Variants in CD226 observed in about 807,000 individuals in gnomAD.
The protein encoded by CD226 is CD226 molecule, also known as CD226 antigen.
CD226 carries 24 observed loss-of-function variants against 34.9 expected under a neutral mutation model. The ratio of observed to expected loss-of-function variants is 0.69; its 90% CI spans 0.50 to 0.97. The LOEUF is 0.97. CD226 is among the 50% of genes least tolerant of loss of function. The pLI is 0.00. For missense variants in CD226, 397 were observed against 412.7 expected, an observed-to-expected ratio of 0.96 and a Z score of 0.33; for synonymous variants, 148 against 147.4, an observed-to-expected ratio of 1.00 and a Z score of -0.03.
chr18:69,895,720 C>T lies in CD226; in HGVS notation c.708G>A (p.Met236Ile), dbSNP rs1006717744. The T allele has an allele frequency of 1.9e-6, 3 of 1,613,474 alleles. No homozygotes were observed. Among genetic ancestry groups the T allele is most frequent in the Non-Finnish European group, 2.5e-6 (3 of 1,179,422 alleles). The stretch of plus-strand genomic sequence containing the variant: ...ACTCACCCTCGGCTACAGTCAATCT[C>T]ATCACGAAGGTTTCGTTTTCTCCTG... The part of the protein sequence containing the change: ...ASAGENETFV[M>I]RLTVAEGKTD... Residue 236 changes from methionine to isoleucine, a missense_variant, in exon 3 of 6, where the codon ATG (methionine) becomes ATA (isoleucine). Physicochemically the swap from Met to Ile is conservative, Grantham distance 10. Transcript: ENST00000582621.
At chr18:69,923,414 T>C (rs1190772760) in intron 2 of CD226, among the ~76,000 whole-genome samples, 5 of 152,128 alleles carry the variant, frequency 3.3e-5, no homozygotes, top group Non-Finnish European at 5.9e-5. Context: ...CAAAACCAAC[T>C]GCGAAAACGT....
At position 69,863,702 on chromosome 18, in the gene CD226, A is replaced by G. The variant is rs1982952592; in HGVS notation, c.*612T>C. 1 of 152,220 alleles carries G rather than the reference A, an allele frequency of 6.6e-6. No homozygotes were observed. Among genetic ancestry groups the G allele is most frequent in the South Asian group, 2.1e-4 (1 of 4,828 alleles). 9.4% of individuals were successfully genotyped at this position (152,220 alleles called of 1,614,324 possible). On this transcript the variant is annotated 3_prime_UTR_variant, in exon 6 of 6. Transcript: ENST00000582621. ...GAGACTCCCCTTTCCTCTTCTAACC[A>G]TGCTCTGAATTGCCCAGTATTGTGC...
At chr18:69,939,867 T>C (rs1299073670) in intron 2 of CD226, among the ~76,000 whole-genome samples, 2 of 152,160 alleles carry the variant, frequency 1.3e-5, no homozygotes, top group Non-Finnish European at 2.9e-5. Flanking sequence ...ACCTGTACCA[T>C]CGGCTCTCCT....
At chr18:69,922,364 T>G (rs918310061) in intron 2 of CD226, among the ~76,000 whole-genome samples, 5 of 152,162 alleles carry the variant, frequency 3.3e-5, no homozygotes, top group African/African-American at 9.7e-5. Context: ...TCACTGCAGC[T>G]TCAAGCACCT....
At chr18:69,889,777 C>T (rs1292048424) in intron 3 of CD226, among the ~76,000 whole-genome samples, 1 of 152,108 alleles carries the variant, frequency 6.6e-6, no homozygotes, top group Non-Finnish European at 1.5e-5. Context: ...GTCCTTCCTC[C>T]TTGTCAATCC....
At chr18:69,946,450 T>C (rs2055793644) in intron 2 of CD226, among the ~76,000 whole-genome samples, 1 of 152,038 alleles carries the variant, frequency 6.6e-6, no homozygotes, top group African/African-American at 2.4e-5. Flanking sequence ...ATCAGTTTAA[T>C]CAAGGCTCAG....
chr18:69,927,604 T>C (rs2055538893), intron 2 of CD226, among the ~76,000 whole-genome samples: 1 of 152,170 alleles, frequency 6.6e-6, no homozygotes, highest in Admixed American at 6.5e-5. Flanking sequence ...CTCCTCTGTG[T>C]ACCTCATATA....
intron 2 of CD226, among the ~76,000 whole-genome samples, chr18:69,931,085 G>A (rs1271615969): frequency 6.6e-6 from 1 of 152,186 alleles, no homozygotes; most frequent in African/African-American, 2.4e-5. Flanking sequence ...CCTTTGTAGG[G>A]ACATGGATGA....
At chr18:69,954,070 C>G (rs1288620497) in intron 1 of CD226, among the ~76,000 whole-genome samples, 1 of 151,968 alleles carries the variant, frequency 6.6e-6, no homozygotes, top group Non-Finnish European at 1.5e-5. Flanking sequence ...TGAATTTCAC[C>G]TCAATTTTTA....
At chr18:69,874,686 A>AT (rs1232793223) in intron 3 of CD226, among the ~76,000 whole-genome samples, 10 of 152,146 alleles carry the variant, frequency 6.6e-5, no homozygotes, top group Admixed American at 5.9e-4. Flanking sequence ...ATGTAGCTGC[A>AT]TTTTTTTCAT....
At chr18:69,901,158 A>G (rs950784617) in intron 2 of CD226, among the ~76,000 whole-genome samples, 1 of 152,212 alleles carries the variant, frequency 6.6e-6, no homozygotes, top group African/African-American at 2.4e-5. Flanking sequence ...AGGTGACAAC[A>G]ACAACAAAAA....
chr18:69,939,957 C>T (rs2055702418), intron 2 of CD226, among the ~76,000 whole-genome samples: 1 of 152,166 alleles, frequency 6.6e-6, no homozygotes, highest in African/African-American at 2.4e-5. Flanking sequence ...TGGCCGTGTG[C>T]CCACCCAAAT....
At chr18:69,951,321 G>A (rs913582284), upstream of CD226, among the ~76,000 whole-genome samples, 2 of 151,962 alleles carry the variant, frequency 1.3e-5, no homozygotes, top group Admixed American at 1.3e-4. Context: ...GCCAACTATG[G>A]CCTGAGTTGG....
At position 69,864,068 on chromosome 18, in the gene CD226, T is replaced by C. The variant is rs1982978799; in HGVS notation, c.*246A>G. ...AATAGCCCTTGCCCAAAGCTTAATC[T>C]CCCCTGGATCATTCTGTTATATGAT... On this transcript the variant is annotated 3_prime_UTR_variant, in exon 6 of 6. Coordinates refer to ENST00000582621, the MANE Select transcript of CD226 (RefSeq NM_001303618.2). 2.9e-6 allele frequency: 1 copy of C among 342,528 alleles called. No homozygotes were observed. 21.2% of individuals were successfully genotyped at this position (342,528 alleles called of 1,614,324 possible).
At chr18:69,873,778 C>T (rs1333368229) in intron 3 of CD226, among the ~76,000 whole-genome samples, 2 of 152,006 alleles carry the variant, frequency 1.3e-5, no homozygotes, top group South Asian at 2.1e-4. Flanking sequence ...GGCTGAGGCA[C>T]GAGACTCATT....
intron 1 of CD226, among the ~76,000 whole-genome samples, chr18:69,954,997 A>C (rs1057113776): frequency 3.3e-5 from 5 of 152,142 alleles, no homozygotes; most frequent in African/African-American, 4.8e-5. Flanking sequence ...TTTGTCCTCA[A>C]GGAAGTCATT....
intron 2 of CD226, among the ~76,000 whole-genome samples, chr18:69,939,518 T>A (rs2055697504): frequency 6.6e-6 from 1 of 152,212 alleles, no homozygotes; most frequent in African/African-American, 2.4e-5. Context: ...TTGATGGGTA[T>A]TTGGGTTGTT....
At chr18:69,883,371 C>G (rs1051058128) in intron 3 of CD226, among the ~76,000 whole-genome samples, 2 of 152,046 alleles carry the variant, frequency 1.3e-5, no homozygotes, top group Non-Finnish European at 2.9e-5. Context: ...TTGTAGTGAG[C>G]GAGGGGACCA....
At chr18:69,893,398 A>G (rs1264009792) in intron 3 of CD226, among the ~76,000 whole-genome samples, 1 of 152,248 alleles carries the variant, frequency 6.6e-6, no homozygotes, top group African/African-American at 2.4e-5. Context: ...TTATTAATTA[A>G]TAAGAGTTAA....
Sources: allele counts gnomAD v4.1 joint callset (sites outside exome capture counted in the v4.1 genomes callset), GRCh38; gene constraint gnomAD v4.1.1; transcripts MANE v1.5; gene names NCBI Gene and HGNC (gene_info 2026-07-23, HGNC 2026-07-21).